LRRC7: variants seen among roughly 807,000 people sequenced by gnomAD.
LRRC7 encodes the protein leucine-rich repeat-containing protein 7.
LRRC7 carries 23 observed loss-of-function variants against 175.7 expected under a neutral mutation model. The observed-to-expected ratio is 0.13, with a 90% confidence interval of 0.09 to 0.19. LRRC7 has a LOEUF of 0.19. LRRC7 is among the 10% of genes least tolerant of loss of function. The probability of loss-of-function intolerance (pLI) is 1.00; values close to 1 mark genes in which losing one functional copy is unlikely to be tolerated. For missense variants in LRRC7, 1,354 were observed against 1,904.7 expected (o/e 0.71, Z 5.38); for synonymous variants, 685 against 680.9 (o/e 1.01, Z -0.09).
chr1:69,886,598 G>C (rs1645627612), intron 7 of LRRC7, among the ~76,000 whole-genome samples: 1 of 150,194 alleles, frequency 6.7e-6, no homozygotes, highest in East Asian at 2.0e-4. Flanking sequence ...CTTTTAATTG[G>C]AGCATTTAGC....
intron 1 of LRRC7, among the ~76,000 whole-genome samples, chr1:69,636,277 T>C (rs981342812): frequency 6.6e-6 from 1 of 152,050 alleles, no homozygotes; most frequent in Non-Finnish European, 1.5e-5. Flanking sequence ...TACTTGTATA[T>C]GACAGTTTCA....
chr1:69,715,294 G>A (rs1665219706), intron 2 of LRRC7, among the ~76,000 whole-genome samples: 1 of 152,084 alleles, frequency 6.6e-6, no homozygotes, highest in Non-Finnish European at 1.5e-5. Flanking sequence ...CTATAGTCCT[G>A]ACTTATACAT....
chr1:69,584,453 T>C (rs1646326613), intron 1 of LRRC7, among the ~76,000 whole-genome samples: 2 of 152,124 alleles, frequency 1.3e-5, no homozygotes, highest in African/African-American at 4.8e-5. Context: ...ACCAAAGATA[T>C]GGATTTAAAT....
chr1:69,725,848 G>T (rs551803214), intron 2 of LRRC7, among the ~76,000 whole-genome samples: 2 of 152,182 alleles, frequency 1.3e-5, no homozygotes, highest in Non-Finnish European at 2.9e-5. Flanking sequence ...CTTGGTTTCT[G>T]TGCCCTGAGT....
At chr1:69,924,043 C>G (rs1301089539) in intron 7 of LRRC7, among the ~76,000 whole-genome samples, 2 of 152,104 alleles carry the variant, frequency 1.3e-5, no homozygotes, top group South Asian at 2.1e-4. Context: ...TTCCCAGGAC[C>G]ATTTATTAAA....
intron 7 of LRRC7, among the ~76,000 whole-genome samples, chr1:69,862,379 T>G (rs758777894): frequency 2.6e-5 from 4 of 152,160 alleles, no homozygotes; most frequent in Non-Finnish European, 5.9e-5. Flanking sequence ...AATGAAACTT[T>G]TTATAATAAA....
chr1:69,620,031 G>T (rs1650306708), intron 1 of LRRC7, among the ~76,000 whole-genome samples: 1 of 152,130 alleles, frequency 6.6e-6, no homozygotes, highest in African/African-American at 2.4e-5. Flanking sequence ...TATCAAAGAA[G>T]AATATCCAAA....
intron 16 of LRRC7, 24 bp downstream of exon 16, chr1:70,021,153 C>G: frequency 1.2e-6 from 2 of 1,600,516 alleles, no homozygotes; most frequent in South Asian, 1.1e-5. Flanking sequence ...CTTTTGTTTC[C>G]TCTTTCTTCT....
intron 19 of LRRC7, 90 bp downstream of exon 19, chr1:70,036,322 T>C (rs1659305631): frequency 7.3e-7 from 1 of 1,379,282 alleles, no homozygotes; most frequent in Non-Finnish European, 1.0e-6. Flanking sequence ...CCATATTCTA[T>C]ACAAATGTTT....
intron 7 of LRRC7, among the ~76,000 whole-genome samples, chr1:69,864,449 G>A (rs1474399173): frequency 6.6e-6 from 1 of 152,220 alleles, no homozygotes; most frequent in Admixed American, 6.5e-5. Flanking sequence ...TAAAATATGT[G>A]TGAAAAAGCA....
intron 4 of LRRC7, among the ~76,000 whole-genome samples, chr1:69,818,079 C>T (rs756007791): frequency 6.6e-6 from 1 of 152,070 alleles, no homozygotes; most frequent in Non-Finnish European, 1.5e-5. Context: ...ATTCAGCTTT[C>T]CTTTCTGACT....
chr1:69,879,131 G>A (rs1686314042), intron 7 of LRRC7, among the ~76,000 whole-genome samples: 1 of 145,696 alleles, frequency 6.9e-6, no homozygotes, highest in South Asian at 2.2e-4. Flanking sequence ...ATTAGGGAAA[G>A]CTATGCATGT....
chr1:70,107,888 C>A, intron 26 of LRRC7, 62 bp downstream of exon 26: 1 of 1,313,686 alleles, frequency 7.6e-7, no homozygotes, highest in Non-Finnish European at 1.1e-6. Flanking sequence ...AACCATGTTA[C>A]CAAGTTAAAT....
chr1:69,919,874 C>G, intron 7 of LRRC7: 2 of 660,082 alleles, frequency 3.0e-6, no homozygotes, highest in Non-Finnish European at 5.5e-6. Context: ...TCGGGGTTCC[C>G]CCGCTGCCTG....
intron 19 of LRRC7, 65 bp from the exon 20 acceptor site, chr1:70,036,379 A>T (rs1659314508): frequency 1.3e-6 from 2 of 1,501,418 alleles, no homozygotes; most frequent in East Asian, 2.3e-5. Context: ...TCCATTTTTC[A>T]TACTTGCTTT....
intron 8 of LRRC7, among the ~76,000 whole-genome samples, chr1:69,941,514 C>A (rs2101799527): frequency 6.6e-6 from 1 of 151,880 alleles, no homozygotes; most frequent in East Asian, 1.9e-4. Context: ...TGGTAAGAAA[C>A]CAATTTCTGG....
At chr1:69,612,219 G>A (rs1749500) in intron 1 of LRRC7, among the ~76,000 whole-genome samples, 19,502 of 151,908 alleles carry the variant, frequency 0.13, 1,588 homozygotes, top group South Asian at 0.19. Context: ...CAATAAAATA[G>A]TATACTATAT....
At chr1:69,724,336 C>T (rs1156433439) in intron 2 of LRRC7, among the ~76,000 whole-genome samples, 3 of 152,010 alleles carry the variant, frequency 2.0e-5, no homozygotes, top group Non-Finnish European at 2.9e-5. Flanking sequence ...AACGAGACTC[C>T]ATCTCAAAAA....
At chr1:69,914,269 T>A (rs1646621642) in intron 7 of LRRC7, among the ~76,000 whole-genome samples, 1 of 152,236 alleles carries the variant, frequency 6.6e-6, no homozygotes, top group Non-Finnish European at 1.5e-5. Context: ...CAAATTCATG[T>A]GGCTTCAGAG....
Sources: allele counts gnomAD v4.1 joint callset (sites outside exome capture counted in the v4.1 genomes callset), GRCh38; gene constraint gnomAD v4.1.1; transcripts MANE v1.5; gene names NCBI Gene and HGNC (gene_info 2026-07-23, HGNC 2026-07-21).